Variants in PARD3B observed in about 807,000 individuals in gnomAD.
PARD3B encodes partitioning defective 3 homolog B.
In PARD3B, 103 loss-of-function variants were observed where a neutral mutation model predicts 130.2. The observed-to-expected ratio is 0.79, with a 90% CI of 0.67 to 0.93. PARD3B has a LOEUF of 0.93. Among genes scored for constraint, PARD3B ranks in the 40% least tolerant of loss-of-function variants. The pLI is 0.00. For synonymous variants in PARD3B, 583 were observed against 553.2 expected (o/e 1.05, Z -0.76); for missense variants, 1,609 against 1,499.2 (o/e 1.07, Z -1.21).
At chr2:205,045,372 C>T (rs867824713) in intron 3 of PARD3B, among the ~76,000 whole-genome samples, 4 of 151,680 alleles carry the variant, frequency 2.6e-5, no homozygotes, top group Admixed American at 6.6e-5. Flanking sequence ...CTTCAGCCTC[C>T]GAGTAGCTGG....
chr2:205,491,890 C>T (rs965968539), intron 20 of PARD3B, among the ~76,000 whole-genome samples: 1 of 152,140 alleles, frequency 6.6e-6, no homozygotes. Context: ...GGTCAAAATG[C>T]CACAGGCAGC....
intron 2 of PARD3B, among the ~76,000 whole-genome samples, chr2:204,855,130 T>C (rs180830707): frequency 1.3e-5 from 2 of 152,224 alleles, no homozygotes; most frequent in Non-Finnish European, 2.9e-5. Flanking sequence ...TCTCAAAAAA[T>C]GAGAACTACT....
chr2:205,079,908 A>T (rs1267340720), intron 4 of PARD3B, among the ~76,000 whole-genome samples: 2 of 152,182 alleles, frequency 1.3e-5, no homozygotes, highest in African/African-American at 4.8e-5. Flanking sequence ...TTCTGTACTC[A>T]TACTTTACTA....
intron 21 of PARD3B, among the ~76,000 whole-genome samples, chr2:205,538,130 T>TA (rs2051946278): frequency 6.6e-6 from 1 of 152,240 alleles, no homozygotes; most frequent in South Asian, 2.1e-4. Flanking sequence ...CTCAAAGCAC[T>TA]GATGATCCAA....
At chr2:205,532,096 T>C (rs1049773242) in intron 21 of PARD3B, among the ~76,000 whole-genome samples, 1 of 152,192 alleles carries the variant, frequency 6.6e-6, no homozygotes, top group Non-Finnish European at 1.5e-5. Context: ...GTCTTCTGAG[T>C]GTTCCTTTGT....
chr2:205,035,111 C>T (rs61443492), intron 3 of PARD3B, among the ~76,000 whole-genome samples: 3 of 152,036 alleles, frequency 2.0e-5, no homozygotes, highest in African/African-American at 4.8e-5. Context: ...GATCCCCCCC[C>T]CTCAGCCTCC....
In PARD3B at chr2:205,142,150, G is replaced by C. The variant is rs1378422699; in HGVS notation, c.1434+16413G>C. On this transcript the variant is annotated intron_variant, in intron 10 of 22. Coordinates refer to ENST00000406610, the MANE Select transcript of PARD3B (RefSeq NM_001302769.2). The surrounding 1 kb of genome is among the most constrained non-coding windows in gnomAD (Gnocchi z 4.3). ...TAGAGTGTTTTGAAGACCTAGATGAGAGCCACAAACAGCAGGTGACAATTA... is the reference window on the plus strand; with the variant it reads ...TAGAGTGTTTTGAAGACCTAGATGACAGCCACAAACAGCAGGTGACAATTA... Among the ~76,000 whole-genome samples the C allele has an allele frequency of 6.6e-6, 1 of 152,126 alleles. No homozygotes were observed. Among genetic ancestry groups the C allele is most frequent in the Non-Finnish European group, 1.5e-5 (1 of 68,036 alleles).
intron 2 of PARD3B, among the ~76,000 whole-genome samples, chr2:204,827,455 G>A (rs1261786247): frequency 1.3e-5 from 2 of 152,158 alleles, no homozygotes; most frequent in Admixed American, 6.5e-5. Context: ...AACTAGGAAA[G>A]ATAGTTCATG....
At chr2:205,037,281 TATATATATA>T in intron 3 of PARD3B, among the ~76,000 whole-genome samples, 1 of 137,382 alleles carries the variant, frequency 7.3e-6, no homozygotes, top group Non-Finnish European at 1.6e-5. Flanking sequence ...GTATAAAATA[TATATATATA>T]GTGGACTATT....
chr2:204,758,527 G>A (rs995074384), intron 2 of PARD3B, among the ~76,000 whole-genome samples: 2 of 152,092 alleles, frequency 1.3e-5, no homozygotes, highest in African/African-American at 4.8e-5. Context: ...TCTCAACTTC[G>A]GCTGCACAGA....
At chr2:205,469,287 C>A (rs1469366199) in intron 20 of PARD3B, among the ~76,000 whole-genome samples, 2 of 152,142 alleles carry the variant, frequency 1.3e-5, no homozygotes, top group African/African-American at 4.8e-5. Flanking sequence ...CTTGGACTGA[C>A]CAACCCCCAA....
intron 2 of PARD3B, among the ~76,000 whole-genome samples, chr2:204,802,903 G>A (rs1451942553): frequency 6.6e-6 from 1 of 151,862 alleles, no homozygotes; most frequent in Non-Finnish European, 1.5e-5. Context: ...ATGGGTTGAT[G>A]GGTGCAGCAA....
At chr2:204,975,997 A>G (rs190551869) in intron 3 of PARD3B, among the ~76,000 whole-genome samples, 1 of 152,334 alleles carries the variant, frequency 6.6e-6, no homozygotes, top group African/African-American at 2.4e-5. Flanking sequence ...AATAATGTTT[A>G]GCATTTGTTT....
At position 205,414,277 on chromosome 2, in the gene PARD3B, C is replaced by A. The variant is rs974261089; in HGVS notation, c.2741+13154C>A. On this transcript the variant is annotated intron_variant, in intron 19 of 22. Transcript: ENST00000406610. ...TCTATATTCTCCTGCAATTACATGT[C>A]TTTTCTTCATGTCTAAGTCCTAATT... 7.9e-5 allele frequency among the ~76,000 whole-genome samples: 12 copies of A among 152,270 alleles called. No homozygotes were observed. The East Asian group carries it at 2.3e-3, about 29-fold the overall frequency.
At chr2:205,531,650 C>A (rs1261649709) in intron 21 of PARD3B, among the ~76,000 whole-genome samples, 1 of 152,030 alleles carries the variant, frequency 6.6e-6, no homozygotes, top group Non-Finnish European at 1.5e-5. Context: ...TCAGACAGGG[C>A]ACCGAGACAC....
intron 2 of PARD3B, among the ~76,000 whole-genome samples, chr2:204,766,821 A>T (rs1413478547): frequency 1.3e-5 from 2 of 149,990 alleles, no homozygotes; most frequent in African/African-American, 4.9e-5. Flanking sequence ...AAAAAAAAAC[A>T]AAAGCAAACA....
intron 3 of PARD3B, among the ~76,000 whole-genome samples, chr2:204,997,528 T>C (rs528534367): frequency 4.0e-5 from 6 of 150,808 alleles, no homozygotes; most frequent in African/African-American, 1.5e-4. Context: ...CTAAAATGTT[T>C]TGTTTCTGTT....
At chr2:205,538,071 G>GTGTT (rs544171145) in intron 21 of PARD3B, among the ~76,000 whole-genome samples, 143 of 152,246 alleles carry the variant, frequency 9.4e-4, no homozygotes, top group Middle Eastern at 3.4e-3. Context: ...TATTGAGCAT[G>GTGTT]TGTTAGATAA....
chr2:204,771,252 G>A (rs2041363511), intron 2 of PARD3B, among the ~76,000 whole-genome samples: 1 of 151,944 alleles, frequency 6.6e-6, no homozygotes, highest in South Asian at 2.1e-4. Flanking sequence ...CAGTTGGAGT[G>A]TGTATGTGTG....
Sources: allele counts gnomAD v4.1 joint callset (sites outside exome capture counted in the v4.1 genomes callset), GRCh38; gene constraint gnomAD v4.1.1; non-coding constraint Gnocchi (gnomAD v3.1); transcripts MANE v1.5; gene names NCBI Gene and HGNC (gene_info 2026-07-23, HGNC 2026-07-21).